KIFC3: variants seen among roughly 807,000 people sequenced by gnomAD.
KIFC3 encodes kinesin family member C3.
A neutral mutation model predicts 101.8 loss-of-function variants in KIFC3; 60 were observed. That is an observed-to-expected ratio of 0.59 (90% CI 0.48 to 0.73). The LOEUF is 0.73. KIFC3 is among the 30% of genes least tolerant of loss of function. The probability of loss-of-function intolerance (pLI) is 0.00; values close to 1 mark genes in which losing one functional copy is unlikely to be tolerated. For synonymous variants in KIFC3, 476 were observed against 482.7 expected, an observed-to-expected ratio of 0.99 and a Z score of 0.18; for missense variants, 966 against 1,137.1, an observed-to-expected ratio of 0.85 and a Z score of 2.16.
upstream of KIFC3, chr16:57,807,927 C>T (rs2054972040): frequency 3.7e-5 from 1 of 26,954 alleles, no homozygotes; most frequent in Non-Finnish European, 6.5e-5. Context: ...AAGATCCTGT[C>T]TTAAAAAAAA....
chr16:57,829,138 A>C (rs984795143), intron 1 of KIFC3, among the ~76,000 whole-genome samples: 1 of 152,240 alleles, frequency 6.6e-6, no homozygotes, highest in East Asian at 1.9e-4. Flanking sequence ...ATGAACTTTT[A>C]GGGCAAAGAT....
At position 57,769,704 on chromosome 16, in the gene KIFC3, G is replaced by A. The variant is rs1360421265; in HGVS notation, c.1109C>T (p.Thr370Ile). ...NLAGVRTNLLTLQPALRTLTN... is the reference protein window; with the variant it reads ...NLAGVRTNLLILQPALRTLTN... ...GAGGGTCCGCAGTGCCGGCTGCAAG[G>A]TCAGCAAGTTGGTCCGGACGCCTAT... The change falls in exon 9 of 20, where the codon ACC (threonine) becomes ATC (isoleucine). Residue 370 changes from threonine (T) to isoleucine (I), a missense_variant. Physicochemically the swap from Thr to Ile is moderately conservative, Grantham distance 89 (BLOSUM62 -1). This residue lies in a region of KIFC3 where 689 missense variants were observed against 884.6 expected (regional missense o/e 0.78). Transcript: ENST00000445690. This position sits in a 1 kb window ranked among gnomAD's most constrained non-coding sequence, Gnocchi z 4.3. The A allele has an allele frequency of 1.9e-6, 3 of 1,612,908 alleles. No individual in the cohort carries two copies. The highest frequency in any genetic ancestry group is 2.5e-6 in the Non-Finnish European group (3 of 1,179,990).
chr16:57,791,004 C>T lies in KIFC3; in HGVS notation c.315+3995G>A, dbSNP rs975347612. 188 of 795,182 alleles carry T rather than the reference C, an allele frequency of 2.4e-4. 1 individual carries two copies. The highest frequency in any genetic ancestry group is 2.2e-4 in the Non-Finnish European group (142 of 656,262). The allele number at this position is 795,182 out of a possible 1,614,324, so 49.3% of individuals were successfully genotyped here. On this transcript the variant is annotated intron_variant, in intron 3 of 19. Coordinates refer to ENST00000445690, the MANE Select transcript of KIFC3 (RefSeq NM_001130100.2). ...ATCCCAGCACTTTGAGAGGCTGAGG[C>T]GGGTGGATCACCTGAGGTTAGGACT... is the stretch of plus-strand genomic sequence containing the variant.
At position 57,770,691 on chromosome 16, in the gene KIFC3, T is replaced by C. The variant is rs782089935; in HGVS notation, c.775A>G (p.Lys259Glu). 1 of 1,504,806 alleles carries C rather than the reference T, an allele frequency of 6.6e-7. No homozygotes were observed. Among genetic ancestry groups the C allele is most frequent in the Non-Finnish European group, 8.9e-7 (1 of 1,122,554 alleles). The allele number at this position is 1,504,806 out of a possible 1,614,324, so 93.2% of individuals were successfully genotyped here. Residue 259 changes from lysine to glutamate, a missense_variant, in exon 7 of 20, where the codon AAG (lysine) becomes GAG (glutamate). This residue lies in a region of KIFC3 where 689 missense variants were observed against 884.6 expected (regional missense o/e 0.78). Coordinates refer to ENST00000445690, the MANE Select transcript of KIFC3 (RefSeq NM_001130100.2). ...AQSPPVKYVI[K>E]TVEVESSKTK... ...TTGGACGACTCCACCTCCACTGTCT[T>C]GATGACATACTGCAGGGTGAGGGAG... is the stretch of plus-strand genomic sequence containing the variant.
intron 1 of KIFC3, among the ~76,000 whole-genome samples, chr16:57,858,011 T>C (rs1450071258): frequency 1.3e-5 from 2 of 151,804 alleles, no homozygotes; most frequent in African/African-American, 4.8e-5. Context: ...AGAGATGGAG[T>C]TTCACCACGT....
At chr16:57,778,258 C>A (rs1377404301) in intron 3 of KIFC3, among the ~76,000 whole-genome samples, 2 of 152,044 alleles carry the variant, frequency 1.3e-5, no homozygotes, top group African/African-American at 4.8e-5. Flanking sequence ...GCAGCCTGGG[C>A]AATACAGCAA....
chr16:57,861,547 T>C (rs1419244191), intron 1 of KIFC3, among the ~76,000 whole-genome samples: 1 of 152,244 alleles, frequency 6.6e-6, no homozygotes, highest in East Asian at 1.9e-4. Context: ...AAGGATGTAT[T>C]GCAGGTGGCA....
In KIFC3 at chr16:57,758,687, C is replaced by G. The variant is rs551137064; in HGVS notation, c.*247G>C. 2.0e-4 allele frequency: 148 copies of G among 724,140 alleles called. No homozygotes were observed. In the East Asian group the frequency reaches 2.9e-3, roughly 14 times the overall value. The allele number at this position is 724,140 out of a possible 1,614,324, so 44.9% of individuals were successfully genotyped here. A position where few individuals can be genotyped will look rare whatever the true frequency, so the allele number is the denominator to read the frequency against. ...GCCTGCCAGGAAGAGCAGCCACCCC[C>G]GCCTTTCCGCCCATGCAATTTGCAC... On this transcript the variant is annotated 3_prime_UTR_variant, in exon 20 of 20. Transcript: ENST00000445690.
chr16:57,844,459 C>T (rs1567337323), intron 1 of KIFC3, among the ~76,000 whole-genome samples: 1 of 145,846 alleles, frequency 6.9e-6, no homozygotes, highest in Non-Finnish European at 1.5e-5. Context: ...AAAAAGGCAG[C>T]GTAAACCTAT....
At chr16:57,798,582 G>C (rs2149221203) in intron 1 of KIFC3, 1 of 501,596 alleles carries the variant, frequency 2.0e-6, no homozygotes, top group African/African-American at 2.0e-5. Flanking sequence ...CTGAGGACAA[G>C]CCAGGTCCTA....
intron 3 of KIFC3, 174 bp from the exon 4 acceptor site, chr16:57,772,462 A>G: frequency 1.8e-6 from 1 of 559,372 alleles, no homozygotes; most frequent in Non-Finnish European, 3.2e-6. Context: ...CAGGTGAGAG[A>G]AACCTGGGCT....
chr16:57,845,835 TCCTCTGTGAGGGAGAGTCA>T (rs2055906936), intron 1 of KIFC3, among the ~76,000 whole-genome samples: 1 of 152,178 alleles, frequency 6.6e-6, no homozygotes, highest in Non-Finnish European at 1.5e-5. Flanking sequence ...TTCCCTGTTT[TCCTCTGTGAGGGAGAGTCA>T]CCTCTGAGAG....
intron 1 of KIFC3, among the ~76,000 whole-genome samples, chr16:57,862,193 CT>C (rs55718589): frequency 0.51 from 65,867 of 128,174 alleles, 17,069 homozygotes; most frequent in Middle Eastern, 0.67. Flanking sequence ...CTACATCTGG[CT>C]TTTTTTTTTT....
chr16:57,763,430 G>A (rs56991898), intron 12 of KIFC3, among the ~76,000 whole-genome samples: 19,285 of 152,022 alleles, frequency 0.13, 1,428 homozygotes, highest in African/African-American at 0.21. Context: ...TAAGAGGGCC[G>A]CCCAGCAGGC....
intron 3 of KIFC3, 58 bp from the exon 4 acceptor site, chr16:57,772,346 C>T (rs797029933): frequency 6.9e-7 from 1 of 1,459,488 alleles, no homozygotes; most frequent in Non-Finnish European, 9.6e-7. Flanking sequence ...AGCCTACACC[C>T]AGGCCTCCTG....
intron 4 of KIFC3, 147 bp from the exon 5 acceptor site, chr16:57,771,833 G>A: frequency 9.8e-7 from 1 of 1,025,408 alleles, no homozygotes; most frequent in Non-Finnish European, 1.4e-6. Context: ...AAAAGAAAAA[G>A]GCAAGGGCAA....
At chr16:57,817,311 A>G (rs1333799452) in intron 1 of KIFC3, among the ~76,000 whole-genome samples, 2 of 152,008 alleles carry the variant, frequency 1.3e-5, no homozygotes, top group African/African-American at 4.8e-5. Context: ...ATAAGCTGAG[A>G]TCGCACCATT....
At chr16:57,798,959 C>T (rs2054549933) in intron 1 of KIFC3, among the ~76,000 whole-genome samples, 2 of 152,194 alleles carry the variant, frequency 1.3e-5, no homozygotes, top group South Asian at 2.1e-4. Flanking sequence ...AGGCATCTGC[C>T]AGGGGTCCTT....
chr16:57,849,889 G>A (rs1293149310), intron 1 of KIFC3, among the ~76,000 whole-genome samples: 1 of 151,222 alleles, frequency 6.6e-6, no homozygotes, highest in South Asian at 2.1e-4. Context: ...GGCAACAAGA[G>A]CAAAACTCCA....
Sources: gnomAD v4.1 joint callset for allele counts (sites outside exome capture counted in the v4.1 genomes callset) on GRCh38, gnomAD v4.1.1 for gene constraint, gnomAD v4.1.1 regional missense constraint, Gnocchi (gnomAD v3.1) non-coding constraint, MANE v1.5 for transcripts, NCBI Gene and HGNC (gene_info 2026-07-23, HGNC 2026-07-21) for gene names.